Variants in SMAD2 observed in about 807,000 individuals in gnomAD.
SMAD2 encodes MAD homolog 2.
Under a neutral mutation model 64.4 loss-of-function variants are expected in SMAD2, and 8 were observed. The ratio of observed to expected loss-of-function variants is 0.12; its 90% CI spans 0.07 to 0.22. SMAD2 has a LOEUF of 0.22. Ranked by LOEUF, SMAD2 falls within the 10% of genes least tolerant of loss-of-function variation. The pLI is 1.00. For missense variants in SMAD2, 289 were observed against 561.2 expected, an observed-to-expected ratio of 0.51 and a Z score of 4.90; for synonymous variants, 203 against 195.8, an observed-to-expected ratio of 1.04 and a Z score of -0.31.
chr18:47,819,556 C>T lies in SMAD2; in HGVS notation c.*22271G>A, dbSNP rs2144233428. 1 of 152,250 alleles carries T rather than the reference C, an allele frequency of 6.6e-6. No individual in the cohort carries two copies. The highest frequency in any genetic ancestry group is 2.1e-4 in the South Asian group (1 of 4,826). 9.4% of individuals were successfully genotyped at this position (152,250 alleles called of 1,614,324 possible). The stretch of plus-strand genomic sequence containing the variant: ...AGGTGCAGTGGCTCACGCCTGTAAT[C>T]CTAGCACTTTGGGAGGCCAAGGCGG... On this transcript the variant is annotated 3_prime_UTR_variant, in exon 11 of 11. Transcript: ENST00000262160.
Position 47,839,813 on chromosome 18 carries a change from C to A in SMAD2, c.*2014G>T, listed in dbSNP as rs192498194. Reference sequence around the variant, plus strand: ...TTCTCTTTGCCAGGAATGCTTATCTCCCCTGGCTCCTCACTTGGCTTGCTT... The same window carrying A: ...TTCTCTTTGCCAGGAATGCTTATCTACCCTGGCTCCTCACTTGGCTTGCTT... On this transcript the variant is annotated 3_prime_UTR_variant, in exon 11 of 11. Transcript: ENST00000262160. The A allele has an allele frequency of 1.8e-4, 42 of 233,238 alleles. No homozygotes were observed. The highest frequency in any genetic ancestry group is 2.8e-4 in the Admixed American group (5 of 17,792). The allele number at this position is 233,238 out of a possible 1,614,324, so 14.4% of individuals were successfully genotyped here.
At chr18:47,913,137 T>C (rs1598885465) in intron 1 of SMAD2, among the ~76,000 whole-genome samples, 1 of 152,246 alleles carries the variant, frequency 6.6e-6, no homozygotes, top group South Asian at 2.1e-4. Flanking sequence ...GCCAGGCTGG[T>C]CTCAAACTCC....
chr18:47,876,166 T>C (rs139001247), intron 2 of SMAD2, among the ~76,000 whole-genome samples: 25 of 152,066 alleles, frequency 1.6e-4, no homozygotes, highest in Non-Finnish European at 3.1e-4. Context: ...ATAACAATGA[T>C]AGCAATATCC....
chr18:47,902,841 T>C (rs1016103608), intron 1 of SMAD2, among the ~76,000 whole-genome samples: 6 of 152,160 alleles, frequency 3.9e-5, no homozygotes, highest in African/African-American at 1.4e-4. Context: ...GTCTCTTTCC[T>C]GGTGGAGCGG....
intron 1 of SMAD2, among the ~76,000 whole-genome samples, chr18:47,916,982 T>C (rs2034361801): frequency 6.6e-6 from 1 of 152,212 alleles, no homozygotes; most frequent in Admixed American, 6.5e-5. Context: ...GACACTATTT[T>C]TGTTGTTGTC....
At chr18:47,921,546 C>G (rs148631916) in intron 1 of SMAD2, among the ~76,000 whole-genome samples, 2 of 152,308 alleles carry the variant, frequency 1.3e-5, no homozygotes, top group African/African-American at 4.8e-5. Context: ...TAAAGTCCAT[C>G]TAAAGCCTAC....
At chr18:47,928,019 T>C (rs1316623933) in intron 1 of SMAD2, among the ~76,000 whole-genome samples, 5 of 152,184 alleles carry the variant, frequency 3.3e-5, no homozygotes, top group Non-Finnish European at 1.5e-5. Context: ...GGAAAACATC[T>C]TACCTCTCAC....
In SMAD2 at chr18:47,832,537, A is replaced by C. The variant is rs1913038030; in HGVS notation, c.*9290T>G. 1 of 152,216 alleles carries C rather than the reference A, an allele frequency of 6.6e-6. No homozygotes were observed. The highest frequency in any genetic ancestry group is 2.4e-5 in the African/African-American group (1 of 41,466). The allele number at this position is 152,216 out of a possible 1,614,324, so 9.4% of individuals were successfully genotyped here. A position where few individuals can be genotyped will look rare whatever the true frequency, so the allele number is the denominator to read the frequency against. ...CTAAAGCATGTTTAAAATGGTTTGC[A>C]GAAAACAGTCTGCTAACCAGTACTG... On this transcript the variant is annotated 3_prime_UTR_variant, in exon 11 of 11. Transcript: ENST00000262160.
rs1913480830 is a variant in SMAD2, at chr18:47,837,066, TA to T, written c.*4760del. ...TGGCTGCAACTGTCAGAAAAGTTCA[TA>T]ATCTTAAACATAATTTATGCCATTT... On this transcript the variant is annotated 3_prime_UTR_variant, in exon 11 of 11. Coordinates refer to ENST00000262160, the MANE Select transcript of SMAD2 (RefSeq NM_005901.6). The T allele has an allele frequency of 9.7e-6, 2 of 205,522 alleles. No individual in the cohort carries two copies. The highest frequency in any genetic ancestry group is 2.0e-5 in the Non-Finnish European group (2 of 100,336). The allele number at this position is 205,522 out of a possible 1,614,324, so 12.7% of individuals were successfully genotyped here. A position where few individuals can be genotyped will look rare whatever the true frequency, so the allele number is the denominator to read the frequency against.
rs1343057014 is a variant in SMAD2 at position 47,828,682 on chromosome 18, TG to T, written c.*13144del. On this transcript the variant is annotated 3_prime_UTR_variant, in exon 11 of 11. Transcript: ENST00000262160. ...TGTGCTGTGTCCACTCAGGGTTAAA[TG>T]GATTAAGGGCGGTGCAAGATGTGCT... 2 of 158,436 alleles carry T rather than the reference TG, an allele frequency of 1.3e-5. No individual in the cohort carries two copies. The highest frequency in any genetic ancestry group is 6.5e-5 in the Admixed American group (1 of 15,390). 9.8% of individuals were successfully genotyped at this position (158,436 alleles called of 1,614,324 possible). A position where few individuals can be genotyped will look rare whatever the true frequency, so the allele number is the denominator to read the frequency against.
Position 47,906,176 on chromosome 18 carries a change from G to A in SMAD2, c.-53-9367C>T, listed in dbSNP as rs377623348. 1.3e-4 allele frequency among the ~76,000 whole-genome samples: 20 copies of A among 151,642 alleles called. No homozygotes were observed. In the East Asian group the frequency reaches 2.7e-3, roughly 21 times the overall value. ...AATACAGGCTGAGCATCACAAATCCGAAAACTGAAATCTAAAATGCTCCAA... is the reference window on the plus strand; with the variant it reads ...AATACAGGCTGAGCATCACAAATCCAAAAACTGAAATCTAAAATGCTCCAA... On this transcript the variant is annotated intron_variant, in intron 1 of 10. Coordinates refer to ENST00000262160, the MANE Select transcript of SMAD2 (RefSeq NM_005901.6).
At chr18:47,902,358 G>A (rs908776719) in intron 1 of SMAD2, among the ~76,000 whole-genome samples, 19 of 152,070 alleles carry the variant, frequency 1.2e-4, no homozygotes, top group Non-Finnish European at 2.8e-4. Flanking sequence ...AAGAGTCTTG[G>A]ACTACCAAGA....
At chr18:47,905,110 G>T (rs1167064805) in intron 1 of SMAD2, among the ~76,000 whole-genome samples, 1 of 152,124 alleles carries the variant, frequency 6.6e-6, no homozygotes, top group East Asian at 1.9e-4. Context: ...ATGGAAAAGT[G>T]CATGGAATCT....
At chr18:47,858,374 T>G (rs929277397) in intron 6 of SMAD2, among the ~76,000 whole-genome samples, 2 of 152,120 alleles carry the variant, frequency 1.3e-5, no homozygotes, top group Admixed American at 1.3e-4. Context: ...AAGGAGCCAA[T>G]GTAAATCAAT....
In SMAD2 at chr18:47,816,112, T is replaced by C. The variant is rs1912357040; in HGVS notation, c.*25715A>G. 6.6e-6 allele frequency: 1 copy of C among 152,214 alleles called. No individual in the cohort carries two copies. Among genetic ancestry groups the C allele is most frequent in the African/African-American group, 2.4e-5 (1 of 41,464 alleles). 9.4% of individuals were successfully genotyped at this position (152,214 alleles called of 1,614,324 possible). ...TGTCTTGGCTTCTAGAGCCCGGAGA[T>C]AAGATCAGCTTCCCTTGAAAATGTT... On this transcript the variant is annotated 3_prime_UTR_variant, in exon 11 of 11. Transcript: ENST00000262160.
rs1913604740 is a variant in SMAD2 at position 47,838,080 on chromosome 18, CTTTTA to C, written c.*3742_*3746del. The C allele has an allele frequency of 4.3e-6, 1 of 232,896 alleles. No individual in the cohort carries two copies. The highest frequency in any genetic ancestry group is 8.5e-6 in the Non-Finnish European group (1 of 117,638). 14.4% of individuals were successfully genotyped at this position (232,896 alleles called of 1,614,324 possible). On this transcript the variant is annotated 3_prime_UTR_variant, in exon 11 of 11. Coordinates refer to ENST00000262160, the MANE Select transcript of SMAD2 (RefSeq NM_005901.6). ...GAGAAACCAACTGGGTATATATTTT[CTTTTA>C]TTTGATTTCAACTAGCAAGAGACTA...
At chr18:47,906,142 GA>G (rs920391501) in intron 1 of SMAD2, among the ~76,000 whole-genome samples, 8 of 145,266 alleles carry the variant, frequency 5.5e-5, no homozygotes, top group African/African-American at 5.1e-5. Context: ...AATAGAAAAA[GA>G]AAAAAAAAAT....
intron 2 of SMAD2, among the ~76,000 whole-genome samples, chr18:47,882,041 C>CCTTTTTTTT (rs2032624892): frequency 2.6e-5 from 1 of 38,868 alleles, no homozygotes; most frequent in African/African-American, 1.0e-4. Context: ...CCACGCTTGG[C>CCTTTTTTTT]TTTTTTTTTT....
At position 47,823,715 on chromosome 18, in the gene SMAD2, T is replaced by C. The variant is rs930338655; in HGVS notation, c.*18112A>G. 2.6e-5 allele frequency: 4 copies of C among 152,228 alleles called. No homozygotes were observed. The highest frequency in any genetic ancestry group is 9.6e-5 in the African/African-American group (4 of 41,452). 9.4% of individuals were successfully genotyped at this position (152,228 alleles called of 1,614,324 possible). Reference sequence around the variant, plus strand: ...TTTTCCTAAGACATCAGAGCAAGAATTGTATTACAATTTGATTTATTCAAT... The same window carrying C: ...TTTTCCTAAGACATCAGAGCAAGAACTGTATTACAATTTGATTTATTCAAT... On this transcript the variant is annotated 3_prime_UTR_variant, in exon 11 of 11. Transcript: ENST00000262160.
Sources: gnomAD v4.1 joint callset for allele counts (sites outside exome capture counted in the v4.1 genomes callset) on GRCh38, gnomAD v4.1.1 for gene constraint, MANE v1.5 for transcripts, NCBI Gene and HGNC (gene_info 2026-07-23, HGNC 2026-07-21) for gene names.